CAMK1D: variants seen among roughly 807,000 people sequenced by gnomAD.
CAMK1D encodes calcium/calmodulin dependent protein kinase ID, also known as calcium/calmodulin-dependent protein kinase type 1D.
A neutral mutation model predicts 47.7 loss-of-function variants in CAMK1D; 9 were observed. The ratio of observed to expected loss-of-function variants is 0.19; its 90% CI spans 0.11 to 0.33. CAMK1D has a LOEUF of 0.33. CAMK1D is among the 10% of genes least tolerant of loss of function. The pLI is 1.00. For synonymous variants in CAMK1D, 184 were observed against 184.9 expected (o/e 0.99, Z 0.04); for missense variants, 291 against 488.7 (o/e 0.60, Z 3.81).
intron 1 of CAMK1D, among the ~76,000 whole-genome samples, chr10:12,380,824 T>A (rs921664773): frequency 6.6e-6 from 1 of 152,122 alleles, no homozygotes; most frequent in Non-Finnish European, 1.5e-5. Flanking sequence ...CCACTGCACT[T>A]CAGCCTGGGC....
intron 1 of CAMK1D, among the ~76,000 whole-genome samples, chr10:12,494,843 A>G (rs1357456231): frequency 6.6e-6 from 1 of 152,146 alleles, no homozygotes; most frequent in Non-Finnish European, 1.5e-5. Context: ...TGCTTGGATT[A>G]CAGGCGTGAA....
chr10:12,723,674 C>A (rs569452547), intron 3 of CAMK1D, among the ~76,000 whole-genome samples: 1 of 152,148 alleles, frequency 6.6e-6, no homozygotes, highest in South Asian at 2.1e-4. Flanking sequence ...TATTAAAATA[C>A]ATCATAAATA....
At chr10:12,474,225 G>A (rs1159664141) in intron 1 of CAMK1D, among the ~76,000 whole-genome samples, 1 of 137,874 alleles carries the variant, frequency 7.3e-6, no homozygotes, top group Non-Finnish European at 1.5e-5. Context: ...TTTTGAGAGA[G>A]TCTTGCTCTG....
chr10:12,688,601 C>T (rs1000894888), intron 3 of CAMK1D, among the ~76,000 whole-genome samples: 7 of 152,094 alleles, frequency 4.6e-5, no homozygotes, highest in African/African-American at 1.7e-4. Context: ...CTTCAAGGGC[C>T]TAGAATTCCT....
At chr10:12,435,209 GA>G in intron 1 of CAMK1D, among the ~76,000 whole-genome samples, 1 of 106,542 alleles carries the variant, frequency 9.4e-6, no homozygotes, top group Middle Eastern at 9.4e-3. Context: ...GGCGAGGAGT[GA>G]AACTCTGTCT....
chr10:12,473,995 A>G (rs1005079830), intron 1 of CAMK1D, among the ~76,000 whole-genome samples: 1 of 152,124 alleles, frequency 6.6e-6, no homozygotes, highest in Admixed American at 6.5e-5. Context: ...AACAAAACTA[A>G]TGGCATTTAA....
intron 3 of CAMK1D, among the ~76,000 whole-genome samples, chr10:12,719,837 C>A (rs1421704640): frequency 6.6e-6 from 1 of 152,238 alleles, no homozygotes. Context: ...AATAATTGCT[C>A]ATCGCATCCC....
intron 4 of CAMK1D, among the ~76,000 whole-genome samples, chr10:12,768,914 C>T (rs1230463303): frequency 6.6e-6 from 1 of 152,170 alleles, no homozygotes; most frequent in Non-Finnish European, 1.5e-5. Flanking sequence ...TACTCTCAGC[C>T]CCTCCTGTAT....
intron 2 of CAMK1D, among the ~76,000 whole-genome samples, chr10:12,626,475 CTT>C (rs35033817): frequency 6.6e-5 from 9 of 136,276 alleles, no homozygotes; most frequent in Non-Finnish European, 7.9e-5. Context: ...TTCTTTCTTT[CTT>C]TTTTTTTTTT....
intron 2 of CAMK1D, among the ~76,000 whole-genome samples, chr10:12,557,445 G>C (rs1193666175): frequency 6.6e-6 from 1 of 151,492 alleles, no homozygotes; most frequent in Non-Finnish European, 1.5e-5. Flanking sequence ...CCAGCTACTC[G>C]GGAGACTGAG....
chr10:12,666,648 T>C, intron 2 of CAMK1D, 88 bp from the exon 3 acceptor site: 1 of 1,041,810 alleles, frequency 9.6e-7, no homozygotes, highest in Non-Finnish European at 1.5e-6. Context: ...GATTCTGTTT[T>C]GTAACTTTTT....
chr10:12,772,898 T>C (rs1233331020), intron 5 of CAMK1D, among the ~76,000 whole-genome samples: 1 of 152,110 alleles, frequency 6.6e-6, no homozygotes, highest in Non-Finnish European at 1.5e-5. Context: ...TTTGAAGAGC[T>C]TGTATCTAGA....
intron 2 of CAMK1D, among the ~76,000 whole-genome samples, chr10:12,648,072 T>G (rs1839859827): frequency 6.6e-6 from 1 of 152,232 alleles, no homozygotes; most frequent in South Asian, 2.1e-4. Flanking sequence ...TCAAACCTGG[T>G]AGAGGGTAGA....
chr10:12,569,075 T>C (rs1837234277), intron 2 of CAMK1D, among the ~76,000 whole-genome samples: 1 of 152,140 alleles, frequency 6.6e-6, no homozygotes, highest in Non-Finnish European at 1.5e-5. Flanking sequence ...TACCTGAAGA[T>C]TTCCATGGTA....
At chr10:12,827,277 T>TC (rs1491529024) in intron 10 of CAMK1D, among the ~76,000 whole-genome samples, 2 of 12,426 alleles carry the variant, frequency 1.6e-4, no homozygotes, top group Non-Finnish European at 4.4e-4. Context: ...CTTCTCTTTC[T>TC]TTTCTTTTTC....
At chr10:12,759,417 A>G (rs746275424) in intron 3 of CAMK1D, among the ~76,000 whole-genome samples, 16 of 152,134 alleles carry the variant, frequency 1.1e-4, no homozygotes, top group Non-Finnish European at 1.5e-4. Context: ...ACAGCAGTCT[A>G]CCTCTTCTGG....
chr10:12,500,366 C>CA (rs1834664367), intron 1 of CAMK1D, among the ~76,000 whole-genome samples: 1 of 152,172 alleles, frequency 6.6e-6, no homozygotes, highest in South Asian at 2.1e-4. Context: ...GGGACCTGTC[C>CA]AGGGCTTGGC....
chr10:12,734,566 A>ATG lies in CAMK1D; in HGVS notation c.300-26378_300-26377dup, dbSNP rs1262116944. ...TGTATATATGTATATATATACACAT[A>ATG]TGTGTATATATATATATAGACACAA... On this transcript the variant is annotated intron_variant, in intron 3 of 10. Coordinates refer to ENST00000619168, the MANE Select transcript of CAMK1D (RefSeq NM_153498.4). Among the ~76,000 whole-genome samples the ATG allele has an allele frequency of 1.1e-3, 159 of 146,748 alleles. 1 individual carries two copies. Among genetic ancestry groups the ATG allele is most frequent in the African/African-American group, 3.9e-3 (152 of 38,622 alleles).
intron 5 of CAMK1D, among the ~76,000 whole-genome samples, chr10:12,774,994 A>G (rs1379819906): frequency 6.6e-6 from 1 of 152,230 alleles, no homozygotes; most frequent in Non-Finnish European, 1.5e-5. Flanking sequence ...GGTAGGGTGG[A>G]GGAAGGAGAT....
Sources: allele counts gnomAD v4.1 joint callset (sites outside exome capture counted in the v4.1 genomes callset), GRCh38; gene constraint gnomAD v4.1.1; transcripts MANE v1.5; gene names NCBI Gene and HGNC (gene_info 2026-07-23, HGNC 2026-07-21).